Variants in CSMD1 observed in about 807,000 individuals in gnomAD.
CSMD1 encodes CUB and sushi domain-containing protein 1.
CSMD1 carries 213 observed loss-of-function variants against 417.5 expected under a neutral mutation model. The observed-to-expected ratio is 0.51, with a 90% confidence interval of 0.46 to 0.57. The LOEUF is 0.57. Ranked by LOEUF, CSMD1 falls within the 20% of genes least tolerant of loss-of-function variation. The pLI is 0.00. For synonymous variants in CSMD1, 2,862 were observed against 1,736.8 expected (o/e 1.65, Z -16.11); for missense variants, 6,923 against 4,529.7 (o/e 1.53, Z -15.17).
intron 10 of CSMD1, among the ~76,000 whole-genome samples, chr8:3,541,183 G>A (rs1798422281): frequency 6.6e-6 from 1 of 152,214 alleles, no homozygotes; most frequent in Non-Finnish European, 1.5e-5. Flanking sequence ...TATACACCAT[G>A]GAATGCTATG....
At chr8:4,031,608 G>T (rs942129101) in intron 4 of CSMD1, among the ~76,000 whole-genome samples, 1 of 151,882 alleles carries the variant, frequency 6.6e-6, no homozygotes, top group Non-Finnish European at 1.5e-5. Flanking sequence ...ACTTGCTATT[G>T]ACTTTATGTG....
At chr8:4,756,728 C>T (rs952734656) in intron 1 of CSMD1, among the ~76,000 whole-genome samples, 6 of 152,132 alleles carry the variant, frequency 3.9e-5, no homozygotes, top group East Asian at 1.9e-4. Flanking sequence ...TTTGGAGTTA[C>T]AGGAAACAGG....
At chr8:4,355,192 G>T (rs552894322) in intron 3 of CSMD1, among the ~76,000 whole-genome samples, 20 of 151,908 alleles carry the variant, frequency 1.3e-4, no homozygotes, top group Non-Finnish European at 2.5e-4. Flanking sequence ...AACCTGGGAG[G>T]CGGAGCTTGC....
At chr8:4,840,738 T>A (rs944211467) in intron 1 of CSMD1, among the ~76,000 whole-genome samples, 5 of 152,218 alleles carry the variant, frequency 3.3e-5, no homozygotes, top group Non-Finnish European at 7.3e-5. Context: ...GGCTTTTCAG[T>A]TTCTCTTTGC....
At chr8:3,863,563 C>T (rs943674689) in intron 5 of CSMD1, among the ~76,000 whole-genome samples, 6 of 152,116 alleles carry the variant, frequency 3.9e-5, no homozygotes, top group Admixed American at 3.3e-4. Flanking sequence ...CCACAGCGCA[C>T]TGTTTACAAA....
rs541234519 is a variant in CSMD1, at chr8:3,531,124, G to C, written c.1345-37398C>G. Among the ~76,000 whole-genome samples the C allele has an allele frequency of 1.1e-4, 16 of 152,124 alleles. No individual in the cohort carries two copies. In the South Asian group the frequency reaches 2.3e-3, roughly 22 times the overall value. ...GACCTGCCCACCTAGGCCTCCCAAA[G>C]TGCTGGGATTACAGGTGTGAGCCAC... On this transcript the variant is annotated intron_variant, in intron 10 of 69. Coordinates refer to ENST00000635120, the MANE Select transcript of CSMD1 (RefSeq NM_033225.6).
At chr8:4,119,080 G>C (rs7841987) in intron 3 of CSMD1, among the ~76,000 whole-genome samples, 150,310 of 151,972 alleles carry the variant, frequency 0.99, 74,358 homozygotes, top group East Asian at 1. Flanking sequence ...ATCACACACA[G>C]GGACCTGTCA....
chr8:3,854,277 A>C (rs1379996127), intron 5 of CSMD1, among the ~76,000 whole-genome samples: 1 of 151,506 alleles, frequency 6.6e-6, no homozygotes, highest in Non-Finnish European at 1.5e-5. Context: ...AATATGATCA[A>C]TAATTCTTGT....
At chr8:3,434,833 G>A (rs1215563540) in intron 12 of CSMD1, among the ~76,000 whole-genome samples, 1 of 152,136 alleles carries the variant, frequency 6.6e-6, no homozygotes, top group Non-Finnish European at 1.5e-5. Flanking sequence ...TCAGAGTGCT[G>A]GCAGGAAGTG....
At chr8:4,078,604 A>C (rs1043046941) in intron 3 of CSMD1, among the ~76,000 whole-genome samples, 2 of 148,736 alleles carry the variant, frequency 1.3e-5, no homozygotes, top group Admixed American at 1.4e-4. Flanking sequence ...GTTATGAAAT[A>C]TAATTTTTTT....
At chr8:4,361,720 C>T (rs529537048) in intron 3 of CSMD1, among the ~76,000 whole-genome samples, 2 of 151,678 alleles carry the variant, frequency 1.3e-5, no homozygotes, top group African/African-American at 4.8e-5. Context: ...CTTTGGGAGG[C>T]CGAAGTGGGC....
intron 4 of CSMD1, among the ~76,000 whole-genome samples, chr8:4,023,398 T>G (rs1045195019): frequency 2.0e-5 from 3 of 152,146 alleles, no homozygotes; most frequent in African/African-American, 7.2e-5. Context: ...GAAACAAAAG[T>G]AATTCCAATT....
intron 7 of CSMD1, among the ~76,000 whole-genome samples, chr8:3,669,663 G>A (rs556610049): frequency 2.4e-4 from 37 of 152,130 alleles, no homozygotes; most frequent in Non-Finnish European, 4.7e-4. Context: ...CTCAACAGAT[G>A]TTAGCTCAGC....
At chr8:4,787,706 A>C in intron 1 of CSMD1, 1 of 1,592,450 alleles carries the variant, frequency 6.3e-7, no homozygotes, top group Non-Finnish European at 8.6e-7. Flanking sequence ...TTTTTCAAGG[A>C]TGCTGCCAAT....
intron 1 of CSMD1, among the ~76,000 whole-genome samples, chr8:4,712,752 T>C (rs1484984765): frequency 2.6e-5 from 4 of 152,194 alleles, no homozygotes; most frequent in East Asian, 1.9e-4. Flanking sequence ...AGGTGTTTTG[T>C]TTCCTCCTTC....
chr8:3,505,909 T>C (rs1052238276), intron 10 of CSMD1, among the ~76,000 whole-genome samples: 9 of 152,172 alleles, frequency 5.9e-5, no homozygotes, highest in African/African-American at 1.9e-4. Context: ...CTTAAGGAGG[T>C]TCTTTACAAA....
chr8:4,005,179 T>C (rs1227426163), intron 4 of CSMD1, among the ~76,000 whole-genome samples: 2 of 152,232 alleles, frequency 1.3e-5, no homozygotes, highest in East Asian at 3.9e-4. Context: ...ACAACATATA[T>C]GATGCAGTGC....
chr8:3,590,182 A>G (rs1217906541), intron 8 of CSMD1, among the ~76,000 whole-genome samples: 1 of 152,194 alleles, frequency 6.6e-6, no homozygotes. Flanking sequence ...TGATCTATCT[A>G]TATTTATATC....
chr8:3,533,689 C>G (rs1409836556), intron 10 of CSMD1, among the ~76,000 whole-genome samples: 4 of 152,182 alleles, frequency 2.6e-5, no homozygotes, highest in Non-Finnish European at 5.9e-5. Context: ...ACTTATTTCA[C>G]CACACGTGCC....
Sources: allele counts gnomAD v4.1 joint callset (sites outside exome capture counted in the v4.1 genomes callset), GRCh38; gene constraint gnomAD v4.1.1; transcripts MANE v1.5; gene names NCBI Gene and HGNC (gene_info 2026-07-23, HGNC 2026-07-21).